MBP: variants seen among roughly 807,000 people sequenced by gnomAD.
The protein encoded by MBP is myelin basic protein, also known as Golli-MBP.
In MBP, 16 loss-of-function variants were observed where a neutral mutation model predicts 35.8. That is an observed-to-expected ratio of 0.45 (90% CI 0.30 to 0.68). MBP has a LOEUF of 0.68. MBP is among the 30% of genes least tolerant of loss of function. The pLI, the probability that MBP is intolerant of heterozygous loss-of-function variation, is 0.08. For missense variants in MBP, 380 were observed against 404.7 expected (o/e 0.94, Z 0.52); for synonymous variants, 143 against 159.6 (o/e 0.90, Z 0.78).
chr18:77,095,796 G>A (rs991569073), intron 2 of MBP, among the ~76,000 whole-genome samples: 7 of 152,312 alleles, frequency 4.6e-5, no homozygotes, highest in Admixed American at 2.0e-4. Flanking sequence ...GAGATGTTCC[G>A]TAGACACCCC....
chr18:76,984,587 G>T (rs1014481234), intron 8 of MBP, 188 bp downstream of exon 8: 4 of 727,472 alleles, frequency 5.5e-6, no homozygotes, highest in East Asian at 2.8e-5. Context: ...CATGCATCTC[G>T]GAGGAAATCC....
intron 1 of MBP, chr18:77,113,890 T>C (rs2145179214): frequency 6.6e-6 from 1 of 152,286 alleles, no homozygotes; most frequent in South Asian, 2.1e-4. Context: ...AAGGACAATG[T>C]CAAAACTCAT....
At chr18:76,992,290 A>G (rs891377504) in intron 4 of MBP, among the ~76,000 whole-genome samples, 1 of 152,172 alleles carries the variant, frequency 6.6e-6, no homozygotes, top group Non-Finnish European at 1.5e-5. Context: ...TAAGGAGTGC[A>G]CAACCTCGAT....
At chr18:77,060,935 C>T (rs966782) in intron 3 of MBP, among the ~76,000 whole-genome samples, 61,103 of 152,052 alleles carry the variant, frequency 0.4, 14,805 homozygotes, top group African/African-American at 0.69. Context: ...TTGAGGCTGC[C>T]GCTGACCCTC....
Position 76,979,539 on chromosome 18 carries a change from G to A in MBP, c.*888C>T, listed in dbSNP as rs761910796. The A allele has an allele frequency of 1.4e-5, 3 of 211,098 alleles. No homozygotes were observed. Among genetic ancestry groups the A allele is most frequent in the Non-Finnish European group, 1.9e-5 (2 of 104,582 alleles). 13.1% of individuals were successfully genotyped at this position (211,098 alleles called of 1,614,324 possible). On this transcript the variant is annotated 3_prime_UTR_variant, in exon 9 of 9. Coordinates refer to ENST00000355994, the MANE Select transcript of MBP (RefSeq NM_001025101.2). Reference sequence around the variant, plus strand: ...CTGTCTAGAGGACTCCTACCCTTCTGCTCTGAGTGCGCAAGTCTTCCTGGA... The same window carrying A: ...CTGTCTAGAGGACTCCTACCCTTCTACTCTGAGTGCGCAAGTCTTCCTGGA...
intron 1 of MBP, chr18:77,109,620 A>G (rs1976386338): frequency 6.6e-6 from 1 of 152,246 alleles, no homozygotes; most frequent in South Asian, 2.1e-4. Context: ...CAGTCTTCCT[A>G]GATAGTTGGC....
chr18:76,980,897 C>A, intron 8 of MBP: 1 of 183,768 alleles, frequency 5.4e-6, no homozygotes. Context: ...CCCTAGCACA[C>A]CCCTTGCTAC....
chr18:77,016,459 G>A (rs993627043), intron 4 of MBP: 4 of 1,078,234 alleles, frequency 3.7e-6, no homozygotes, highest in Non-Finnish European at 4.5e-6. Context: ...CCAGCGTGTG[G>A]GCTGCAGAGG....
At chr18:77,090,485 A>G (rs1243159403) in intron 2 of MBP, among the ~76,000 whole-genome samples, 1 of 152,114 alleles carries the variant, frequency 6.6e-6, no homozygotes, top group Non-Finnish European at 1.5e-5. Context: ...TCCTCCTGCC[A>G]TTTCCTCGCC....
At chr18:77,080,395 C>T (rs1293260658) in intron 2 of MBP, among the ~76,000 whole-genome samples, 3 of 152,252 alleles carry the variant, frequency 2.0e-5, no homozygotes, top group South Asian at 2.1e-4. Flanking sequence ...GGGCTCCTCA[C>T]CTGGGGCCCT....
chr18:76,987,442 A>G (rs1260013768), intron 7 of MBP: 3 of 985,322 alleles, frequency 3.0e-6, no homozygotes, highest in Non-Finnish European at 3.6e-6. Context: ...AATTCAGTGT[A>G]ATCATGTGTG....
intron 4 of MBP, among the ~76,000 whole-genome samples, chr18:76,994,870 A>C (rs1970186516): frequency 6.6e-6 from 1 of 152,232 alleles, no homozygotes. Flanking sequence ...TTTTCATAGG[A>C]TCATACACAT....
chr18:77,131,824 G>C lies in MBP; in HGVS notation c.-26+756C>G, dbSNP rs945837480. ...CAGTGGGGCCCAGGAGGGGACTGCC[G>C]GGAAGACCCGGGCGGGCCGGCGGGC... On this transcript the variant is annotated intron_variant, in intron 1 of 8. Transcript: ENST00000355994. The surrounding 1 kb of genome is among the most constrained non-coding windows in gnomAD (Gnocchi z 5.5). 1 of 152,876 alleles carries C rather than the reference G, an allele frequency of 6.5e-6. No homozygotes were observed. The highest frequency in any genetic ancestry group is 1.5e-5 in the Non-Finnish European group (1 of 68,650). The allele number at this position is 152,876 out of a possible 1,614,324, so 9.5% of individuals were successfully genotyped here.
intron 2 of MBP, among the ~76,000 whole-genome samples, chr18:77,073,311 A>G (rs1448179695): frequency 6.6e-6 from 1 of 152,242 alleles, no homozygotes; most frequent in Non-Finnish European, 1.5e-5. Context: ...TGTTAAGAAC[A>G]GTGGCACATT....
Position 77,058,883 on chromosome 18 carries a change from T to C in MBP, c.139+7415A>G, listed in dbSNP as rs193067394. ...CCGGGGAAAGTTTACCGTTTCCAAATGTCATCAAAATTAAAAGAAAACACC... is the reference window on the plus strand; with the variant it reads ...CCGGGGAAAGTTTACCGTTTCCAAACGTCATCAAAATTAAAAGAAAACACC... On this transcript the variant is annotated intron_variant, in intron 3 of 8. Transcript: ENST00000355994. Among the ~76,000 whole-genome samples the C allele has an allele frequency of 2.9e-3, 442 of 152,256 alleles. 2 individuals are homozygous for C. Among genetic ancestry groups the C allele is most frequent in the Non-Finnish European group, 4.4e-3 (300 of 68,012 alleles).
chr18:77,040,431 T>G (rs540213891), intron 3 of MBP, among the ~76,000 whole-genome samples: 163 of 152,318 alleles, frequency 1.1e-3, no homozygotes, highest in African/African-American at 3.5e-3. Context: ...AAAAAACTAC[T>G]TTAAAGTTCA....
intron 2 of MBP, 116 bp downstream of exon 2, chr18:77,105,095 C>G: frequency 1.5e-6 from 1 of 685,904 alleles, no homozygotes; most frequent in Non-Finnish European, 2.5e-6. Flanking sequence ...TTCCACCCAG[C>G]TGTCAGGGAA....
chr18:77,121,940 T>G (rs1277200181), intron 1 of MBP, among the ~76,000 whole-genome samples: 1 of 152,022 alleles, frequency 6.6e-6, no homozygotes, highest in Non-Finnish European at 1.5e-5. Flanking sequence ...TATGTGAGAG[T>G]CTTTGTTGTT....
chr18:77,090,196 C>T (rs573779994), intron 2 of MBP, among the ~76,000 whole-genome samples: 2 of 152,198 alleles, frequency 1.3e-5, no homozygotes, highest in East Asian at 1.9e-4. Flanking sequence ...GTCTAGCCCC[C>T]GTTGCCTGAG....
Sources: gnomAD v4.1 joint callset for allele counts (sites outside exome capture counted in the v4.1 genomes callset) on GRCh38, gnomAD v4.1.1 for gene constraint, Gnocchi (gnomAD v3.1) non-coding constraint, MANE v1.5 for transcripts, NCBI Gene and HGNC (gene_info 2026-07-23, HGNC 2026-07-21) for gene names.